KCNQ4: variants seen among roughly 807,000 people sequenced by gnomAD.
KCNQ4 encodes the protein potassium voltage-gated channel subfamily Q member 4.
In KCNQ4, 31 loss-of-function variants were observed where a neutral mutation model predicts 72.6. The ratio of observed to expected loss-of-function variants is 0.43; its 90% CI spans 0.32 to 0.58. The LOEUF (loss-of-function observed/expected upper bound fraction) is 0.58, where lower values mean the gene tolerates loss of function less well. Ranked by LOEUF, KCNQ4 falls within the 20% of genes least tolerant of loss-of-function variation. The probability of loss-of-function intolerance (pLI) is 0.08; values close to 1 mark genes in which losing one functional copy is unlikely to be tolerated. For synonymous variants in KCNQ4, 405 were observed against 403.7 expected (o/e 1.00, Z -0.04); for missense variants, 869 against 962.6 (o/e 0.90, Z 1.29).
At chr1:40,792,993 T>G (rs1340948057) in intron 1 of KCNQ4, among the ~76,000 whole-genome samples, 1 of 127,192 alleles carries the variant, frequency 7.9e-6, no homozygotes, top group Non-Finnish European at 1.6e-5. Context: ...TTTCTTTTCT[T>G]TTCTTTCTTT....
chr1:40,838,707 A>G lies in KCNQ4; in HGVS notation c.*184A>G. The G allele has an allele frequency of 1.6e-6, 1 of 639,754 alleles. No individual in the cohort carries two copies. The highest frequency in any genetic ancestry group is 2.8e-6 in the Non-Finnish European group (1 of 359,074). 39.6% of individuals were successfully genotyped at this position (639,754 alleles called of 1,614,324 possible). A position where few individuals can be genotyped will look rare whatever the true frequency, so the allele number is the denominator to read the frequency against. ...CTGTGGGTGCCAGCGCCCCTTCCCC[A>G]CCTCAGGAGCGTGAGATGCCAGGTC... is the stretch of plus-strand genomic sequence containing the variant. On this transcript the variant is annotated 3_prime_UTR_variant, in exon 14 of 14. Coordinates refer to ENST00000347132, the MANE Select transcript of KCNQ4 (RefSeq NM_004700.4).
At position 40,835,075 on chromosome 1, in the gene KCNQ4, C is replaced by G. The variant is rs748084924; in HGVS notation, c.1722C>G (p.Gly574=). The G allele has an allele frequency of 1.6e-5, 26 of 1,613,834 alleles. No homozygotes were observed. The East Asian group carries it at 5.8e-4, about 36-fold the overall frequency. ...QYSAGHLDML[G]RIKSLQTRVD... is the part of the protein sequence containing the mutation. Reference sequence around the variant, plus strand: ...CAGCAGGCCACCTGGACATGCTGGGCCGGATCAAGAGCCTGCAAACTCGGT... The same window carrying G: ...CAGCAGGCCACCTGGACATGCTGGGGCGGATCAAGAGCCTGCAAACTCGGT... The change falls in exon 12 of 14, where the codon GGC becomes GGG. Residue 574 remains glycine, a synonymous_variant. Coordinates refer to ENST00000347132, the MANE Select transcript of KCNQ4 (RefSeq NM_004700.4).
At chr1:40,811,669 GA>G (rs1464262753) in intron 1 of KCNQ4, among the ~76,000 whole-genome samples, 1 of 152,228 alleles carries the variant, frequency 6.6e-6, no homozygotes, top group Non-Finnish European at 1.5e-5. Flanking sequence ...AAATGGAGAG[GA>G]AAGGTTGGAT....
At chr1:40,822,463 G>A in intron 8 of KCNQ4, 61 bp downstream of exon 8, 1 of 1,373,670 alleles carries the variant, frequency 7.3e-7, no homozygotes, top group South Asian at 1.2e-5. Context: ...TTGAGGACAA[G>A]TGGCTGAGAC....
At chr1:40,824,340 G>A in intron 9 of KCNQ4, 82 bp downstream of exon 9, 1 of 1,468,180 alleles carries the variant, frequency 6.8e-7, no homozygotes, top group South Asian at 1.2e-5. Context: ...TCTCAGACCT[G>A]CCTTCAGCCA....
intron 1 of KCNQ4, among the ~76,000 whole-genome samples, chr1:40,815,155 G>T (rs545594526): frequency 6.6e-6 from 1 of 150,902 alleles, no homozygotes; most frequent in South Asian, 2.1e-4. Context: ...CAGCAGAATC[G>T]CTTGAACCCG....
intron 1 of KCNQ4, among the ~76,000 whole-genome samples, chr1:40,796,358 G>A (rs1001469366): frequency 7.9e-5 from 12 of 152,186 alleles, no homozygotes; most frequent in African/African-American, 2.9e-4. Flanking sequence ...TGGACCAGAT[G>A]CTGCTCTGAG....
At chr1:40,787,885 G>T (rs560554760) in intron 1 of KCNQ4, among the ~76,000 whole-genome samples, 3 of 152,302 alleles carry the variant, frequency 2.0e-5, no homozygotes, top group African/African-American at 4.8e-5. Flanking sequence ...TGCTGGAGGG[G>T]GCTGAGCAAG....
In KCNQ4 at chr1:40,838,596, C is replaced by A; in HGVS notation, c.*73C>A. 1 of 1,359,640 alleles carries A rather than the reference C, an allele frequency of 7.4e-7. No homozygotes were observed. The highest frequency in any genetic ancestry group is 1.4e-5 in the African/African-American group (1 of 69,782). The allele number at this position is 1,359,640 out of a possible 1,614,324, so 84.2% of individuals were successfully genotyped here. A position where few individuals can be genotyped will look rare whatever the true frequency, so the allele number is the denominator to read the frequency against. ...CGCTCCGACTGCCCTCTGAGGCCTC[C>A]GGACTCCTCTCGTACTTGAACTCAC... On this transcript the variant is annotated 3_prime_UTR_variant, in exon 14 of 14. Coordinates refer to ENST00000347132, the MANE Select transcript of KCNQ4 (RefSeq NM_004700.4).
chr1:40,786,193 C>A (rs1384749282), intron 1 of KCNQ4, among the ~76,000 whole-genome samples: 1 of 152,116 alleles, frequency 6.6e-6, no homozygotes, highest in South Asian at 2.1e-4. Flanking sequence ...ACAACTGTGC[C>A]CTCCGTGGGC....
rs761640389 is a variant in KCNQ4, at chr1:40,818,664, T to G, written c.692T>G (p.Val231Gly). Reference protein sequence around the residue: ...GGTWKLLGSVVYAHSKELITA... With the variant: ...GGTWKLLGSVGYAHSKELITA... Reference sequence around the variant, plus strand: ...ACCTGGAAGCTGCTGGGCTCAGTGGTCTACGCGCATAGCAAGGTGAGGCCT... The same window carrying G: ...ACCTGGAAGCTGCTGGGCTCAGTGGGCTACGCGCATAGCAAGGTGAGGCCT... Residue 231 changes from valine (V) to glycine (G), a missense_variant, in exon 4 of 14, where the codon GTC (valine) becomes GGC (glycine). Physicochemically the swap from Val to Gly is moderately radical, Grantham distance 109. This residue lies in a region of KCNQ4 where 179 missense variants were observed against 243.0 expected (regional missense o/e 0.74). Coordinates refer to ENST00000347132, the MANE Select transcript of KCNQ4 (RefSeq NM_004700.4). 1 of 1,603,814 alleles carries G rather than the reference T, an allele frequency of 6.2e-7. No homozygotes were observed.
At chr1:40,830,199 G>A (rs1231860052) in intron 9 of KCNQ4, among the ~76,000 whole-genome samples, 1 of 152,184 alleles carries the variant, frequency 6.6e-6, no homozygotes, top group Non-Finnish European at 1.5e-5. Context: ...CTGAACTTAG[G>A]TAGGAGAGAC....
chr1:40,809,167 C>T (rs1486871603), intron 1 of KCNQ4, among the ~76,000 whole-genome samples: 2 of 152,222 alleles, frequency 1.3e-5, no homozygotes, highest in African/African-American at 4.8e-5. Flanking sequence ...ACACTTCTCT[C>T]TTCTGCTTTC....
In KCNQ4 at chr1:40,838,556, A is replaced by G; in HGVS notation, c.*33A>G. On this transcript the variant is annotated 3_prime_UTR_variant, in exon 14 of 14. Coordinates refer to ENST00000347132, the MANE Select transcript of KCNQ4 (RefSeq NM_004700.4). ...CTCAGAGGCAGGGCAGCACACGGCC[A>G]GCCCCGCGGCCTGGCGCTCCGACTG... 1 of 1,599,694 alleles carries G rather than the reference A, an allele frequency of 6.3e-7. No homozygotes were observed. The highest frequency in any genetic ancestry group is 8.6e-7 in the Non-Finnish European group (1 of 1,167,040).
chr1:40,811,271 C>T (rs1252025203), intron 1 of KCNQ4, among the ~76,000 whole-genome samples: 2 of 152,162 alleles, frequency 1.3e-5, no homozygotes, highest in Non-Finnish European at 2.9e-5. Flanking sequence ...GCCCTGTGGC[C>T]GCTTCTGGAC....
At chr1:40,819,543 A>G (rs915354829) in intron 5 of KCNQ4, 71 bp downstream of exon 5, 4 of 1,592,854 alleles carry the variant, frequency 2.5e-6, no homozygotes, top group African/African-American at 1.3e-5. Flanking sequence ...AGGTCTGCCC[A>G]TCGTGACTCC....
Position 40,809,457 on chromosome 1 carries a change from G to T in KCNQ4, c.315-7808G>T, listed in dbSNP as rs890534158. Among the ~76,000 whole-genome samples the T allele has an allele frequency of 2.0e-5, 3 of 152,102 alleles. No individual in the cohort carries two copies. In the East Asian group the frequency reaches 5.8e-4, roughly 29 times the overall value. ...ACCCAACACCTGCTCCTCCAGTGGG[G>T]TCTCCCCCGTCCCATGAAGGCACTC... On this transcript the variant is annotated intron_variant, in intron 1 of 13. Transcript: ENST00000347132.
intron 1 of KCNQ4, among the ~76,000 whole-genome samples, chr1:40,797,900 G>C (rs762572734): frequency 4.5e-4 from 69 of 152,286 alleles, no homozygotes; most frequent in Middle Eastern, 3.4e-3. Context: ...GAAGCAGAGA[G>C]GGTGGGTGCA....
intron 1 of KCNQ4, among the ~76,000 whole-genome samples, chr1:40,795,149 G>C (rs886904252): frequency 6.6e-6 from 1 of 151,942 alleles, no homozygotes; most frequent in African/African-American, 2.4e-5. Context: ...TACATAGAAT[G>C]ACAATTGCCA....
Sources: allele counts gnomAD v4.1 joint callset (sites outside exome capture counted in the v4.1 genomes callset), GRCh38; gene constraint gnomAD v4.1.1; regional missense constraint gnomAD v4.1.1; transcripts MANE v1.5; gene names NCBI Gene and HGNC (gene_info 2026-07-23, HGNC 2026-07-21).